The following FRMD4A variants were observed in gnomAD, a reference collection of about 807,000 sequenced individuals.
FRMD4A encodes FERM domain containing 4A, also known as FERM domain-containing protein 4A.
In FRMD4A, 29 loss-of-function variants were observed where a neutral mutation model predicts 129.1. That is an observed-to-expected ratio of 0.22 (90% CI 0.17 to 0.31). The LOEUF (loss-of-function observed/expected upper bound fraction) is 0.31. Among genes scored for constraint, FRMD4A ranks in the 10% least tolerant of loss-of-function variants. FRMD4A has a pLI of 1.00. For synonymous variants in FRMD4A, 634 were observed against 571.6 expected (o/e 1.11, Z -1.56); for missense variants, 1,272 against 1,375.8 (o/e 0.92, Z 1.19).
intron 2 of FRMD4A, among the ~76,000 whole-genome samples, chr10:13,917,001 A>G (rs1476485342): frequency 6.6e-6 from 1 of 152,198 alleles, no homozygotes; most frequent in Non-Finnish European, 1.5e-5. Context: ...TAGGAAAAGA[A>G]TTGTCTCTGT....
chr10:13,689,892 A>G (rs533407195), intron 15 of FRMD4A, among the ~76,000 whole-genome samples: 1 of 151,634 alleles, frequency 6.6e-6, no homozygotes, highest in Admixed American at 6.6e-5. Flanking sequence ...CACATGCAGG[A>G]GTCTTATTAG....
chr10:13,983,859 C>T (rs10796149), intron 2 of FRMD4A, among the ~76,000 whole-genome samples: 53,172 of 151,554 alleles, frequency 0.35, 9,992 homozygotes, highest in East Asian at 0.73. Flanking sequence ...CAAAAATAGC[C>T]GGGCATGATG....
rs537885414 is a variant in FRMD4A at position 13,802,778 on chromosome 10, G to A, written c.207-6190C>T. On this transcript the variant is annotated intron_variant, in intron 4 of 24. Coordinates refer to ENST00000357447, the MANE Select transcript of FRMD4A (RefSeq NM_018027.5). ...TGTTAGTCACCACACGTGGCCAAGT[G>A]TATGAAATGCTTATAGATGTTGCTG... 2.9e-4 allele frequency among the ~76,000 whole-genome samples: 44 copies of A among 152,196 alleles called. No homozygotes were observed. The South Asian group carries it at 8.8e-3, about 30-fold the overall frequency.
At chr10:14,054,782 T>C (rs1419719835) in intron 2 of FRMD4A, among the ~76,000 whole-genome samples, 3 of 152,158 alleles carry the variant, frequency 2.0e-5, no homozygotes, top group African/African-American at 7.2e-5. Flanking sequence ...GGTAACTGAA[T>C]CGTGGGGGCA....
At chr10:14,117,266 T>C (rs1838246223) in intron 2 of FRMD4A, among the ~76,000 whole-genome samples, 1 of 152,242 alleles carries the variant, frequency 6.6e-6, no homozygotes, top group African/African-American at 2.4e-5. Context: ...GAACAGAGCC[T>C]AGCATGTGAC....
intron 2 of FRMD4A, among the ~76,000 whole-genome samples, chr10:14,140,558 G>A (rs1476894529): frequency 6.6e-6 from 1 of 152,152 alleles, no homozygotes; most frequent in Admixed American, 6.5e-5. Context: ...CTGAGGCCGG[G>A]CATCAGCCCC....
intron 2 of FRMD4A, among the ~76,000 whole-genome samples, chr10:14,218,817 T>C (rs1843154501): frequency 6.6e-6 from 1 of 151,654 alleles, no homozygotes; most frequent in South Asian, 2.1e-4. Context: ...TAGCCGGGTG[T>C]GGTGGTGGGC....
intron 5 of FRMD4A, among the ~76,000 whole-genome samples, chr10:13,785,407 C>T (rs1178501204): frequency 6.6e-6 from 1 of 152,124 alleles, no homozygotes; most frequent in Non-Finnish European, 1.5e-5. Context: ...CAAGCACCTG[C>T]CCCCTGCTTC....
At chr10:14,166,632 C>T (rs180818122) in intron 2 of FRMD4A, among the ~76,000 whole-genome samples, 2 of 152,322 alleles carry the variant, frequency 1.3e-5, no homozygotes, top group East Asian at 1.9e-4. Context: ...GGTAGAGCCC[C>T]CTTTACACCT....
chr10:13,884,159 C>CACACACACACTT (rs1564970919), intron 2 of FRMD4A, among the ~76,000 whole-genome samples: 4 of 17,778 alleles, frequency 2.2e-4, no homozygotes, highest in African/African-American at 6.0e-4. Flanking sequence ...CACACTCTCA[C>CACACACACACTT]ACACACACTC....
intron 2 of FRMD4A, among the ~76,000 whole-genome samples, chr10:14,089,609 C>A (rs1836515382): frequency 1.1e-5 from 1 of 93,222 alleles, no homozygotes; most frequent in Non-Finnish European, 2.0e-5. Flanking sequence ...AAAAGTTCAC[C>A]TTTTCAAGCA....
intron 2 of FRMD4A, among the ~76,000 whole-genome samples, chr10:14,237,030 T>C (rs1843847829): frequency 6.7e-6 from 1 of 148,598 alleles, no homozygotes; most frequent in African/African-American, 2.5e-5. Context: ...AAATCGGTTT[T>C]TAAAACATTT....
chr10:13,829,256 G>A (rs575332014), intron 3 of FRMD4A, among the ~76,000 whole-genome samples: 12 of 152,174 alleles, frequency 7.9e-5, no homozygotes, highest in Non-Finnish European at 1.5e-4. Context: ...AGGGCATGGT[G>A]GCTCACACCT....
rs2080973388 is a variant in FRMD4A at position 13,644,148 on chromosome 10, A to G, written c.*2890T>C. ...TCAACACTCACCTGCATATAATAAA[A>G]TAAAAAATCAACCTGGCTCACAACA... On this transcript the variant is annotated 3_prime_UTR_variant, in exon 25 of 25. Coordinates refer to ENST00000357447, the MANE Select transcript of FRMD4A (RefSeq NM_018027.5). 1 of 152,500 alleles carries G rather than the reference A, an allele frequency of 6.6e-6. No homozygotes were observed. Among genetic ancestry groups the G allele is most frequent in the African/African-American group, 2.4e-5 (1 of 41,466 alleles). The allele number at this position is 152,500 out of a possible 1,614,324, so 9.4% of individuals were successfully genotyped here. A position where few individuals can be genotyped will look rare whatever the true frequency, so the allele number is the denominator to read the frequency against.
At chr10:14,200,934 TCCTA>T (rs1842619159) in intron 2 of FRMD4A, among the ~76,000 whole-genome samples, 1 of 152,202 alleles carries the variant, frequency 6.6e-6, no homozygotes, top group African/African-American at 2.4e-5. Context: ...TTCTGGCTGG[TCCTA>T]CCTGTCAGGA....
intron 2 of FRMD4A, among the ~76,000 whole-genome samples, chr10:14,294,704 A>G (rs1201482711): frequency 1.3e-5 from 2 of 152,344 alleles, no homozygotes; most frequent in East Asian, 1.9e-4. Flanking sequence ...TGGCATAGAA[A>G]GGTCACTAAA....
At chr10:13,964,674 G>GTT (rs35812447) in intron 2 of FRMD4A, among the ~76,000 whole-genome samples, 36 of 128,282 alleles carry the variant, frequency 2.8e-4, no homozygotes, top group East Asian at 2.1e-3. Context: ...CTCTTCTTTT[G>GTT]TTTTTTTTTT....
chr10:14,323,359 C>G (rs1470604539), intron 2 of FRMD4A, among the ~76,000 whole-genome samples: 2 of 152,172 alleles, frequency 1.3e-5, no homozygotes, highest in African/African-American at 2.4e-5. Flanking sequence ...TGAATTATCC[C>G]AAATCTTACA....
chr10:14,007,276 G>T (rs1463001855), intron 2 of FRMD4A: 1 of 152,162 alleles, frequency 6.6e-6, no homozygotes, highest in Non-Finnish European at 1.5e-5. Context: ...GGCTTTTGGG[G>T]TTTCTGAGAC....
Sources: gnomAD v4.1 joint callset for allele counts (sites outside exome capture counted in the v4.1 genomes callset) on GRCh38, gnomAD v4.1.1 for gene constraint, MANE v1.5 for transcripts, NCBI Gene and HGNC (gene_info 2026-07-23, HGNC 2026-07-21) for gene names.